SVIL: variants seen among roughly 807,000 people sequenced by gnomAD.
The protein encoded by SVIL is supervillin, also known as archvillin.
Under a neutral mutation model 240.4 loss-of-function variants are expected in SVIL, and 101 were observed. The observed-to-expected ratio is 0.42, with a 90% CI of 0.36 to 0.50. SVIL has a LOEUF of 0.50. Among genes scored for constraint, SVIL ranks in the 20% least tolerant of loss-of-function variants. SVIL has a pLI of 0.01. For synonymous variants in SVIL, 999 were observed against 1,100.0 expected, an observed-to-expected ratio of 0.91 and a Z score of 1.82; for missense variants, 2,512 against 2,818.7, an observed-to-expected ratio of 0.89 and a Z score of 2.46.
At chr10:29,550,486 T>A in intron 6 of SVIL, 111 bp downstream of exon 6, 2 of 1,151,872 alleles carry the variant, frequency 1.7e-6, no homozygotes, top group Non-Finnish European at 2.4e-6. Context: ...ATTTCTCCAA[T>A]AAGCCTTGAC....
intron 20 of SVIL, 65 bp downstream of exon 20, chr10:29,494,849 G>C: frequency 2.0e-6 from 3 of 1,513,484 alleles, no homozygotes; most frequent in Non-Finnish European, 2.7e-6. Context: ...GGCTGAGGAA[G>C]AAAAGCAATC....
intron 2 of SVIL, among the ~76,000 whole-genome samples, chr10:29,682,528 A>G (rs768880560): frequency 1.3e-5 from 2 of 152,206 alleles, no homozygotes; most frequent in Non-Finnish European, 2.9e-5. Context: ...GTGAGGAGAT[A>G]CCCTTTACAC....
chr10:29,731,132 T>C (rs1234714769), intron 1 of SVIL, among the ~76,000 whole-genome samples: 3 of 152,062 alleles, frequency 2.0e-5, no homozygotes, highest in Non-Finnish European at 4.4e-5. Context: ...TACAACACTG[T>C]TCTGAAAACA....
chr10:29,483,282 A>T (rs985549332), intron 27 of SVIL: 3 of 152,206 alleles, frequency 2.0e-5, no homozygotes, highest in African/African-American at 7.2e-5. Flanking sequence ...GAGGGGGACA[A>T]ACCTGGGCCA....
At chr10:29,588,128 A>C (rs930706397) in intron 1 of SVIL, among the ~76,000 whole-genome samples, 2 of 151,626 alleles carry the variant, frequency 1.3e-5, no homozygotes, top group African/African-American at 4.9e-5. Flanking sequence ...GGCTCACCAG[A>C]ATTTAATATG....
chr10:29,584,665 C>A (rs1178426092), intron 1 of SVIL, among the ~76,000 whole-genome samples: 1 of 152,332 alleles, frequency 6.6e-6, no homozygotes, highest in Admixed American at 6.5e-5. Flanking sequence ...GCCTCTTTAA[C>A]CTGCGGCCTT....
chr10:29,621,516 G>A (rs1392206549), intron 1 of SVIL, among the ~76,000 whole-genome samples: 3 of 152,244 alleles, frequency 2.0e-5, no homozygotes, highest in Admixed American at 2.0e-4. Flanking sequence ...ACTCTCAAGA[G>A]AGCATAAACA....
chr10:29,616,372 C>T (rs565400426), intron 1 of SVIL, among the ~76,000 whole-genome samples: 2 of 152,252 alleles, frequency 1.3e-5, no homozygotes, highest in South Asian at 2.1e-4. Context: ...CGTGTAAACT[C>T]GTTCTGAGGT....
At chr10:29,727,998 C>G (rs1187627938) in intron 1 of SVIL, among the ~76,000 whole-genome samples, 2 of 152,164 alleles carry the variant, frequency 1.3e-5, no homozygotes, top group Admixed American at 6.5e-5. Flanking sequence ...TTAATCAAGT[C>G]AATCTGTCAA....
upstream of SVIL, among the ~76,000 whole-genome samples, chr10:29,635,264 C>T (rs59944377): frequency 0.032 from 4,806 of 152,202 alleles, 240 homozygotes; most frequent in African/African-American, 0.11. Context: ...AGCACACAAT[C>T]GTTGACAAAG....
At chr10:29,643,521 G>T (rs1176147008) in intron 3 of SVIL, among the ~76,000 whole-genome samples, 3 of 152,068 alleles carry the variant, frequency 2.0e-5, no homozygotes, top group Non-Finnish European at 4.4e-5. Context: ...TGTATGAATC[G>T]AGCTTGTGGC....
At chr10:29,685,841 C>T (rs921741919) in intron 2 of SVIL, among the ~76,000 whole-genome samples, 3 of 152,110 alleles carry the variant, frequency 2.0e-5, no homozygotes, top group Non-Finnish European at 4.4e-5. Context: ...TTTGTTGGGT[C>T]CCTTGGCTGA....
At chr10:29,579,156 G>A (rs1230437795) in intron 1 of SVIL, among the ~76,000 whole-genome samples, 2 of 151,016 alleles carry the variant, frequency 1.3e-5, no homozygotes, top group African/African-American at 2.4e-5. Flanking sequence ...GGGGACAATG[G>A]GCCAGGCACA....
intron 15 of SVIL, 44 bp from the exon 16 acceptor site, chr10:29,522,679 AAC>A: frequency 6.3e-7 from 1 of 1,589,854 alleles, no homozygotes; most frequent in Non-Finnish European, 8.6e-7. Flanking sequence ...TCCTCAGGCA[AAC>A]ATTCTTCCAG....
intron 16 of SVIL, among the ~76,000 whole-genome samples, chr10:29,521,791 ACGTC>A (rs1407934201): frequency 3.3e-5 from 5 of 152,184 alleles, no homozygotes; most frequent in Admixed American, 1.3e-4. Context: ...TCTGCACCCT[ACGTC>A]ATTCTTTTGA....
At chr10:29,642,275 T>C (rs913874828) in intron 3 of SVIL, among the ~76,000 whole-genome samples, 3 of 152,016 alleles carry the variant, frequency 2.0e-5, no homozygotes, top group East Asian at 3.9e-4. Flanking sequence ...GGCTCGAGCC[T>C]GTAATCCCAG....
chr10:29,703,626 G>A (rs920450896), intron 1 of SVIL, among the ~76,000 whole-genome samples: 14 of 152,244 alleles, frequency 9.2e-5, no homozygotes, highest in African/African-American at 3.4e-4. Context: ...GGCATCAGAA[G>A]GATCCAGACA....
chr10:29,503,504 C>T (rs897899589), intron 17 of SVIL, among the ~76,000 whole-genome samples: 1 of 152,130 alleles, frequency 6.6e-6, no homozygotes, highest in Non-Finnish European at 1.5e-5. Flanking sequence ...AATATTAAGA[C>T]ACCAGTATTG....
chr10:29,579,029 T>C (rs929980636), intron 1 of SVIL, among the ~76,000 whole-genome samples: 2 of 152,220 alleles, frequency 1.3e-5, no homozygotes, highest in Non-Finnish European at 2.9e-5. Context: ...AGTATCTTAT[T>C]ATGCTCTATT....
Sources: allele counts gnomAD v4.1 joint callset (sites outside exome capture counted in the v4.1 genomes callset), GRCh38; gene constraint gnomAD v4.1.1; transcripts MANE v1.5; gene names NCBI Gene and HGNC (gene_info 2026-07-23, HGNC 2026-07-21).